Variants in LAP3 observed in about 807,000 individuals in gnomAD.
LAP3 encodes the protein leucine aminopeptidase 3.
A neutral mutation model predicts 58.8 loss-of-function variants in LAP3; 46 were observed. That is an observed-to-expected ratio of 0.78 (90% CI 0.62 to 1.00). The LOEUF (loss-of-function observed/expected upper bound fraction) is 1.00, where lower values mean the gene tolerates loss of function less well. LAP3 is among the 50% of genes least tolerant of loss of function. The pLI is 0.00. For synonymous variants in LAP3, 257 were observed against 237.7 expected (o/e 1.08, Z -0.75); for missense variants, 615 against 659.1 (o/e 0.93, Z 0.73).
chr4:17,596,471 C>G (rs1269906388), intron 8 of LAP3, among the ~76,000 whole-genome samples: 4 of 152,102 alleles, frequency 2.6e-5, no homozygotes, highest in Non-Finnish European at 5.9e-5. Flanking sequence ...TCTTGAGTAG[C>G]TGGGATTACA....
chr4:17,588,167 A>G (rs956088773), intron 6 of LAP3, among the ~76,000 whole-genome samples: 7 of 151,446 alleles, frequency 4.6e-5, no homozygotes, highest in Non-Finnish European at 1.0e-4. Flanking sequence ...AGCTAGGACA[A>G]TAGGCAGGCA....
chr4:17,582,411 G>C lies in LAP3; in HGVS notation c.379+18G>C. 6.3e-7 allele frequency: 1 copy of C among 1,585,388 alleles called. No homozygotes were observed. The highest frequency in any genetic ancestry group is 8.6e-7 in the Non-Finnish European group (1 of 1,159,828). On this transcript the variant is annotated intron_variant, in intron 4 of 12. Coordinates refer to ENST00000226299, the MANE Select transcript of LAP3 (RefSeq NM_015907.3). Reference sequence around the variant, plus strand: ...TGTTGCAGGTTATTTCACTTTTTAAGTTTAAAGAATCCTGAGGATCCACTC... The same window carrying C: ...TGTTGCAGGTTATTTCACTTTTTAACTTTAAAGAATCCTGAGGATCCACTC...
intron 9 of LAP3, among the ~76,000 whole-genome samples, chr4:17,598,139 C>T (rs142526885): frequency 1.3e-5 from 2 of 152,178 alleles, no homozygotes; most frequent in East Asian, 3.9e-4. Flanking sequence ...GTCATCAGCT[C>T]TGGTACAGTG....
At chr4:17,600,440 C>G (rs1368392700) in intron 10 of LAP3, among the ~76,000 whole-genome samples, 6 of 151,988 alleles carry the variant, frequency 3.9e-5, no homozygotes, top group African/African-American at 1.5e-4. Flanking sequence ...GGCAGTGAAG[C>G]GAGTACCCCC....
chr4:17,577,216 A>ACACGAATGCGGGCGCC lies in LAP3; in HGVS notation c.-235_-234insCCACGAATGCGGGCGC. The ACACGAATGCGGGCGCC allele has an allele frequency of 8.6e-6, 3 of 348,174 alleles. No individual in the cohort carries two copies. The highest frequency in any genetic ancestry group is 1.0e-5 in the Non-Finnish European group (2 of 193,872). The allele number at this position is 348,174 out of a possible 1,614,324, so 21.6% of individuals were successfully genotyped here. ...CGCGGGCGCACACGAATGCGGGCGC[A>ACACGAATGCGGGCGCC]CACGAATGCGGGCGCACACGAATGC... On this transcript the variant is annotated 5_prime_UTR_variant, in exon 1 of 13. It adds an upstream start codon to the 5' untranslated region. Coordinates refer to ENST00000226299, the MANE Select transcript of LAP3 (RefSeq NM_015907.3).
chr4:17,602,304 G>A (rs970673549), intron 10 of LAP3, among the ~76,000 whole-genome samples: 9 of 152,132 alleles, frequency 5.9e-5, no homozygotes, highest in South Asian at 2.1e-4. Context: ...TTGACTCAGC[G>A]CTTACAGATG....
At position 17,604,101 on chromosome 4, in the gene LAP3, C is replaced by T. The variant is rs1056775629; in HGVS notation, c.1181-487C>T. On this transcript the variant is annotated intron_variant, in intron 10 of 12. Transcript: ENST00000226299. ...GATTACAGGCGTGAGCCAGCATGCC[C>T]GGCCCAAAAAGAAATTTTTAATTAG... is the stretch of plus-strand genomic sequence containing the variant. Among the ~76,000 whole-genome samples, 3 of 151,828 alleles carry T rather than the reference C, an allele frequency of 2.0e-5. No individual in the cohort carries two copies. In the East Asian group the frequency reaches 5.8e-4, roughly 29 times the overall value.
chr4:17,579,292 G>A (rs1713288859), intron 1 of LAP3, among the ~76,000 whole-genome samples: 1 of 152,192 alleles, frequency 6.6e-6, no homozygotes, highest in African/African-American at 2.4e-5. Context: ...TTGACTTCCA[G>A]TTTCTGGTGA....
At chr4:17,607,002 C>A in intron 12 of LAP3, 64 bp downstream of exon 12, 2 of 984,730 alleles carry the variant, frequency 2.0e-6, no homozygotes, top group Non-Finnish European at 3.1e-6. Context: ...TAGCTATTTT[C>A]AATTTTATCC....
chr4:17,579,913 T>G lies in LAP3; in HGVS notation c.192T>G (p.Ala64=). 1 of 1,609,708 alleles carries G rather than the reference T, an allele frequency of 6.2e-7. No homozygotes were observed. Among genetic ancestry groups the G allele is most frequent in the South Asian group, 1.1e-5 (1 of 90,822 alleles). ...GAGAGAATTTTGATAAATTGTTAGC[T>G]GGAAAGCTGAGAGAGACTTTGAACA... ...SAGENFDKLL[A]GKLRETLNIS... The change falls in exon 2 of 13, where the codon GCT becomes GCG. Residue 64 remains alanine, a synonymous_variant. Coordinates refer to ENST00000226299, the MANE Select transcript of LAP3 (RefSeq NM_015907.3).
At chr4:17,581,692 T>A in intron 2 of LAP3, 68 bp from the exon 3 acceptor site, 1 of 1,186,882 alleles carries the variant, frequency 8.4e-7, no homozygotes, top group Non-Finnish European at 1.3e-6. Flanking sequence ...GCCGAGTATG[T>A]AAGTGTGCCT....
At chr4:17,580,915 C>T (rs918950397) in intron 2 of LAP3, among the ~76,000 whole-genome samples, 1 of 152,194 alleles carries the variant, frequency 6.6e-6, no homozygotes, top group African/African-American at 2.4e-5. Context: ...TAGATGCAGT[C>T]TAATAATTAT....
intron 7 of LAP3, among the ~76,000 whole-genome samples, chr4:17,593,923 T>C (rs2109021768): frequency 1.3e-5 from 2 of 152,204 alleles, no homozygotes; most frequent in South Asian, 4.2e-4. Context: ...AATCTGCTTG[T>C]TTTTTCACAC....
chr4:17,602,758 C>T (rs1484996619), intron 10 of LAP3, among the ~76,000 whole-genome samples: 1 of 152,032 alleles, frequency 6.6e-6, no homozygotes, highest in Non-Finnish European at 1.5e-5. Flanking sequence ...GATCTCAGCT[C>T]ACTGCAGCCT....
chr4:17,585,055 A>G lies in LAP3; in HGVS notation c.623A>G (p.Asn208Ser). Residue 208 changes from asparagine (N) to serine (S), a missense_variant, in exon 6 of 13, where the codon AAT becomes AGT. Coordinates refer to ENST00000226299, the MANE Select transcript of LAP3 (RefSeq NM_015907.3). ...CGCCAATTGATGGAGACGCCAGCCA[A>G]TGAGATGACGCCAACCAGATTTGCT... ...LARQLMETPA[N>S]EMTPTRFAEI... 1 of 1,614,118 alleles carries G rather than the reference A, an allele frequency of 6.2e-7. No homozygotes were observed. The highest frequency in any genetic ancestry group is 8.5e-7 in the Non-Finnish European group (1 of 1,179,976).
Position 17,607,476 on chromosome 4 carries a change from G to A in LAP3, c.1447G>A (p.Ala483Thr). ...TCCTAAGTGGGCACATTTAGACATA[G>A]CAGGCGTGATGACCAACAAAGATGA... is the stretch of plus-strand genomic sequence containing the variant. ...THPKWAHLDI[A>T]GVMTNKDEVP... Residue 483 changes from alanine (A) to threonine (T), a missense_variant, in exon 13 of 13, where the codon GCA becomes ACA. By Grantham distance (58) the Ala-to-Thr change is moderately conservative (BLOSUM62 0). Coordinates refer to ENST00000226299, the MANE Select transcript of LAP3 (RefSeq NM_015907.3). The A allele has an allele frequency of 6.2e-7, 1 of 1,614,120 alleles. No homozygotes were observed. Among genetic ancestry groups the A allele is most frequent in the Non-Finnish European group, 8.5e-7 (1 of 1,180,026 alleles).
Position 17,607,747 on chromosome 4 carries a change from T to A in LAP3, c.*158T>A. 1 of 547,836 alleles carries A rather than the reference T, an allele frequency of 1.8e-6. No homozygotes were observed. Among genetic ancestry groups the A allele is most frequent in the Non-Finnish European group, 3.1e-6 (1 of 320,224 alleles). 33.9% of individuals were successfully genotyped at this position (547,836 alleles called of 1,614,324 possible). On this transcript the variant is annotated 3_prime_UTR_variant, in exon 13 of 13. Transcript: ENST00000226299. ...TTGTATGCCTTGATTTTTTTTTCAT[T>A]TCACACAAAGATTTATAAAGGTAAA...
At chr4:17,580,165 C>CATATATATGTATATAT (rs1553880882) in intron 2 of LAP3, among the ~76,000 whole-genome samples, 1 of 45,984 alleles carries the variant, frequency 2.2e-5, no homozygotes, top group African/African-American at 1.3e-4. Context: ...TCCCGGCTTT[C>CATATATATGTATATAT]ATATATATAT....
intron 2 of LAP3, among the ~76,000 whole-genome samples, chr4:17,580,309 T>C: frequency 6.8e-6 from 1 of 147,344 alleles, no homozygotes; most frequent in East Asian, 2.0e-4. Context: ...TGTGAGCCAC[T>C]GTGCCAGGCC....
Sources: allele counts gnomAD v4.1 joint callset (sites outside exome capture counted in the v4.1 genomes callset), GRCh38; gene constraint gnomAD v4.1.1; transcripts MANE v1.5; gene names NCBI Gene and HGNC (gene_info 2026-07-23, HGNC 2026-07-21).